GPR89A: variants seen among roughly 807,000 people sequenced by gnomAD.
GPR89A encodes G protein-coupled receptor 89A.
A neutral mutation model predicts 52.0 loss-of-function variants in GPR89A; 16 were observed. That is an observed-to-expected ratio of 0.31 (90% CI 0.21 to 0.47). The LOEUF (loss-of-function observed/expected upper bound fraction) is 0.47. Among genes scored for constraint, GPR89A ranks in the 20% least tolerant of loss-of-function variants. The pLI, the probability that GPR89A is intolerant of heterozygous loss-of-function variation, is 1.00. For missense variants in GPR89A, 135 were observed against 449.4 expected, an observed-to-expected ratio of 0.30 and a Z score of 6.33; for synonymous variants, 55 against 150.9, an observed-to-expected ratio of 0.36 and a Z score of 4.66.
intron 5 of GPR89A, among the ~76,000 whole-genome samples, chr1:145,629,104 C>A (rs1649718508): frequency 6.6e-6 from 1 of 152,060 alleles, no homozygotes; most frequent in Non-Finnish European, 1.5e-5. Flanking sequence ...TTTGCTTACC[C>A]CCCTGGCAGA....
rs1650046169 is a variant in GPR89A, at chr1:145,633,999, AC to A, written c.617+2256del. On this transcript the variant is annotated intron_variant, in intron 7 of 13. Transcript: ENST00000313835. ...ACATTAATAGAAGAAATTGAAGTCT[AC>A]ACAAATAAATGGAAAGATATCCCAT... is the stretch of plus-strand genomic sequence containing the variant. Among the ~76,000 whole-genome samples, 3 of 152,214 alleles carry A rather than the reference AC, an allele frequency of 2.0e-5. No individual in the cohort carries two copies. In the East Asian group the frequency reaches 5.8e-4, roughly 29 times the overall value.
In GPR89A at chr1:145,646,023, G is replaced by A. The variant is rs782248891; in HGVS notation, c.728-161G>A. 5.9e-6 allele frequency: 6 copies of A among 1,020,162 alleles called. No individual in the cohort carries two copies. The Admixed American group carries it at 1.3e-4, about 22-fold the overall frequency. The allele number at this position is 1,020,162 out of a possible 1,614,324, so 63.2% of individuals were successfully genotyped here. A position where few individuals can be genotyped will look rare whatever the true frequency, so the allele number is the denominator to read the frequency against. ...TTTTACACACCTGCGTCAGAGGTTGGGAAAGCTGCTCTGAAGTAGCGCTGC... is the reference window on the plus strand; with the variant it reads ...TTTTACACACCTGCGTCAGAGGTTGAGAAAGCTGCTCTGAAGTAGCGCTGC... On this transcript the variant is annotated intron_variant, in intron 8 of 13. Transcript: ENST00000313835.
intron 3 of GPR89A, among the ~76,000 whole-genome samples, chr1:145,622,217 A>G (rs1161088929): frequency 6.6e-6 from 1 of 150,738 alleles, no homozygotes; most frequent in African/African-American, 2.4e-5. Context: ...TATCCATATA[A>G]TGGGATGAAT....
chr1:145,654,019 T>C (rs1329145358), intron 10 of GPR89A, among the ~76,000 whole-genome samples: 1 of 152,188 alleles, frequency 6.6e-6, no homozygotes, highest in Non-Finnish European at 1.5e-5. Flanking sequence ...TGCTAGCTGG[T>C]TATTTTGCAG....
chr1:145,663,338 A>C lies in GPR89A; in HGVS notation c.919A>C (p.Asn307His), dbSNP rs1652334820. ...ATCTGCATCTTTGCAGGCTACCATC[A>C]ATATTGTTTTTGATCGAGTTGGGAA... ...CVWKIFMATI[N>H]IVFDRVGKTD... The change falls in exon 11 of 14, where the codon AAT (asparagine) becomes CAT (histidine). Residue 307 changes from asparagine (N) to histidine (H), a missense_variant. This residue lies in a region of GPR89A where 28 missense variants were observed against 61.6 expected (regional missense o/e 0.45). Transcript: ENST00000313835. 3 of 1,610,538 alleles carry C rather than the reference A, an allele frequency of 1.9e-6. No homozygotes were observed. The highest frequency in any genetic ancestry group is 4.5e-5 in the East Asian group (2 of 44,824).
intron 10 of GPR89A, among the ~76,000 whole-genome samples, chr1:145,658,880 C>T (rs1489798804): frequency 1.5e-4 from 23 of 152,128 alleles, no homozygotes; most frequent in Middle Eastern, 3.4e-3. Flanking sequence ...TGGGTTCAAG[C>T]GATTCTCCTG....
chr1:145,664,619 C>T (rs1553696150), intron 11 of GPR89A, among the ~76,000 whole-genome samples: 1 of 148,150 alleles, frequency 6.7e-6, no homozygotes, highest in South Asian at 2.2e-4. Context: ...CACTGCACTC[C>T]ACTCTGGGCG....
intron 5 of GPR89A, among the ~76,000 whole-genome samples, chr1:145,628,953 T>G (rs1165497449): frequency 2.0e-5 from 3 of 151,962 alleles, no homozygotes; most frequent in South Asian, 2.1e-4. Flanking sequence ...GAGAAAGAAC[T>G]AGCAAAGAAG....
intron 10 of GPR89A, among the ~76,000 whole-genome samples, chr1:145,662,108 G>A (rs1652241537): frequency 6.6e-6 from 1 of 152,148 alleles, no homozygotes; most frequent in Non-Finnish European, 1.5e-5. Context: ...CTTGTTGGCA[G>A]GAGTGTTCCA....
At chr1:145,650,893 G>A (rs1383084359) in intron 10 of GPR89A, among the ~76,000 whole-genome samples, 3 of 151,992 alleles carry the variant, frequency 2.0e-5, no homozygotes, top group African/African-American at 7.3e-5. Flanking sequence ...CTGGATATTA[G>A]GCCTTTGTCA....
At chr1:145,636,475 A>G (rs1320007896) in intron 7 of GPR89A, among the ~76,000 whole-genome samples, 2 of 150,930 alleles carry the variant, frequency 1.3e-5, no homozygotes, top group Non-Finnish European at 2.9e-5. Flanking sequence ...GTTATGTACA[A>G]AAAAGTTAAT....
chr1:145,657,093 T>C (rs12032289), intron 10 of GPR89A, among the ~76,000 whole-genome samples: 5,618 of 147,410 alleles, frequency 0.038, 135 homozygotes, highest in Middle Eastern at 0.051. Flanking sequence ...GCTAAAATTA[T>C]GTTAAGAATG....
intron 1 of GPR89A, chr1:145,611,329 C>T (rs1241563321): frequency 2.6e-5 from 4 of 151,628 alleles, no homozygotes; most frequent in Admixed American, 2.6e-4. Context: ...TTTTTCAACC[C>T]TTCCCCCTTC....
chr1:145,655,846 C>G (rs1258109912), intron 10 of GPR89A, among the ~76,000 whole-genome samples: 1 of 152,050 alleles, frequency 6.6e-6, no homozygotes, highest in African/African-American at 2.4e-5. Context: ...GAATCCCCCT[C>G]CTCTGGACTG....
chr1:145,662,480 A>C (rs1215532839), intron 10 of GPR89A, among the ~76,000 whole-genome samples: 1 of 151,916 alleles, frequency 6.6e-6, no homozygotes, highest in Non-Finnish European at 1.5e-5. Flanking sequence ...GTATCTTTAT[A>C]TTTATTAAAG....
chr1:145,662,713 T>C (rs1337062067), intron 10 of GPR89A, among the ~76,000 whole-genome samples: 1 of 152,236 alleles, frequency 6.6e-6, no homozygotes, highest in Non-Finnish European at 1.5e-5. Flanking sequence ...TGGCAGAGTT[T>C]GCTCACCTAT....
chr1:145,669,654 C>T lies in GPR89A; in HGVS notation c.1125C>T (p.Ser375=), dbSNP rs1571557602. ...TTTATGCCATCTCTAGCAGTAAGTCCTCCAATGTCATTGTCCTGCTATTAG... is the reference window on the plus strand; with the variant it reads ...TTTATGCCATCTCTAGCAGTAAGTCTTCCAATGTCATTGTCCTGCTATTAG... ...KFFYAISSSK[S]SNVIVLLLAQ... Residue 375 remains serine (S), a synonymous_variant, in exon 13 of 14, where the codon TCC becomes TCT. Coordinates refer to ENST00000313835, the MANE Select transcript of GPR89A (RefSeq NM_001097612.2). 1.2e-6 allele frequency: 2 copies of T among 1,611,400 alleles called. No individual in the cohort carries two copies. The highest frequency in any genetic ancestry group is 2.2e-5 in the East Asian group (1 of 44,858).
intron 2 of GPR89A, among the ~76,000 whole-genome samples, chr1:145,617,971 CAG>C (rs1444533197): frequency 6.6e-6 from 1 of 150,684 alleles, no homozygotes; most frequent in African/African-American, 2.4e-5. Flanking sequence ...CCAGGATCTG[CAG>C]AGTGTTGAAG....
chr1:145,615,771 G>T (rs1427062136), intron 1 of GPR89A, among the ~76,000 whole-genome samples: 1 of 150,920 alleles, frequency 6.6e-6, no homozygotes, highest in African/African-American at 2.4e-5. Context: ...GAATACAGGT[G>T]CCCACACCCA....
Sources: allele counts gnomAD v4.1 joint callset (sites outside exome capture counted in the v4.1 genomes callset), GRCh38; gene constraint gnomAD v4.1.1; regional missense constraint gnomAD v4.1.1; transcripts MANE v1.5; gene names NCBI Gene and HGNC (gene_info 2026-07-23, HGNC 2026-07-21).